Variants in ZMIZ1 observed in about 807,000 individuals in gnomAD.
ZMIZ1 encodes the protein zinc finger MIZ domain-containing protein 1.
ZMIZ1 carries 17 observed loss-of-function variants against 113.9 expected under a neutral mutation model. That is an observed-to-expected ratio of 0.15 (90% CI 0.10 to 0.22). The LOEUF is 0.22. Ranked by LOEUF, ZMIZ1 falls within the 10% of genes least tolerant of loss-of-function variation. The pLI, the probability that ZMIZ1 is intolerant of heterozygous loss-of-function variation, is 1.00. For synonymous variants in ZMIZ1, 607 were observed against 603.1 expected, an observed-to-expected ratio of 1.01 and a Z score of -0.09; for missense variants, 1,059 against 1,477.8, an observed-to-expected ratio of 0.72 and a Z score of 4.65.
chr10:79,255,203 C>A (rs2132907856), intron 7 of ZMIZ1, among the ~76,000 whole-genome samples: 1 of 152,346 alleles, frequency 6.6e-6, no homozygotes, highest in East Asian at 1.9e-4. Context: ...GCTCCTGCCA[C>A]CTGAGTCCCC....
Position 79,281,912 on chromosome 10 carries a change from G to A in ZMIZ1, c.425+4587G>A, listed in dbSNP as rs1349220765. ...TAGCTGGTCCTTCAGGGTCAACGAGGTGGTATCTCGTTGTTAACCCAATTT... is the reference window on the plus strand; with the variant it reads ...TAGCTGGTCCTTCAGGGTCAACGAGATGGTATCTCGTTGTTAACCCAATTT... On this transcript the variant is annotated intron_variant, in intron 8 of 24. Coordinates refer to ENST00000334512, the MANE Select transcript of ZMIZ1 (RefSeq NM_020338.4). Among the ~76,000 whole-genome samples the A allele has an allele frequency of 3.9e-5, 6 of 152,228 alleles. No homozygotes were observed. In the East Asian group the frequency reaches 1.2e-3, roughly 29 times the overall value.
chr10:79,079,340 A>C (rs764247020), intron 1 of ZMIZ1, among the ~76,000 whole-genome samples: 13 of 152,278 alleles, frequency 8.5e-5, no homozygotes, highest in Non-Finnish European at 1.6e-4. Flanking sequence ...ACTTTCCTGG[A>C]GAGGTGGTCT....
chr10:79,274,736 C>G (rs1852162164), intron 7 of ZMIZ1, among the ~76,000 whole-genome samples: 1 of 152,252 alleles, frequency 6.6e-6, no homozygotes, highest in Non-Finnish European at 1.5e-5. Context: ...ATCCACATAT[C>G]ACGCCTGTTT....
In ZMIZ1 at chr10:79,307,487, G is replaced by GC. The variant is rs777843533; in HGVS notation, c.2758dup (p.Gln920ProfsTer34). 6 of 1,605,064 alleles carry GC rather than the reference G, an allele frequency of 3.7e-6. No individual in the cohort carries two copies. The highest frequency in any genetic ancestry group is 1.3e-5 in the African/African-American group (1 of 74,234). The stretch of plus-strand genomic sequence containing the variant: ...CATCCATGAATGACTTCATGCACGG[G>GC]CCCCCCCAGCTCTCCCACCCCCCGG... On this transcript the variant is annotated frameshift_variant, in exon 23 of 25. Transcript: ENST00000334512. LOFTEE classifies it high-confidence loss of function.
chr10:79,281,530 A>G (rs764822996), intron 8 of ZMIZ1, among the ~76,000 whole-genome samples: 1 of 152,230 alleles, frequency 6.6e-6, no homozygotes, highest in African/African-American at 2.4e-5. Context: ...CTCCATCACC[A>G]TGGCCTCAGC....
intron 7 of ZMIZ1, among the ~76,000 whole-genome samples, chr10:79,266,024 G>A (rs1851579359): frequency 6.6e-6 from 1 of 152,236 alleles, no homozygotes; most frequent in South Asian, 2.1e-4. Context: ...CTGCAAGATT[G>A]AGAAGAAGTC....
At chr10:79,197,062 C>T (rs776874381) in intron 4 of ZMIZ1, among the ~76,000 whole-genome samples, 14 of 152,252 alleles carry the variant, frequency 9.2e-5, no homozygotes, top group African/African-American at 1.4e-4. Context: ...CCTGGGCCAC[C>T]GGTGGCCCTT....
intron 18 of ZMIZ1, among the ~76,000 whole-genome samples, 167 bp from the exon 19 acceptor site, chr10:79,303,848 G>A (rs1337508930): frequency 6.6e-6 from 1 of 152,226 alleles, no homozygotes; most frequent in Non-Finnish European, 1.5e-5. Flanking sequence ...ACCCGGCCCT[G>A]TGACTGCCAC....
chr10:79,293,780 G>C, intron 12 of ZMIZ1, 127 bp downstream of exon 12: 1 of 1,426,576 alleles, frequency 7.0e-7, no homozygotes, highest in Non-Finnish European at 9.8e-7. Flanking sequence ...AGAGGCAGGG[G>C]CTTAGGGGTC....
chr10:79,204,302 C>T (rs1426487633), intron 5 of ZMIZ1, among the ~76,000 whole-genome samples: 2 of 152,180 alleles, frequency 1.3e-5, no homozygotes, highest in East Asian at 1.9e-4. Context: ...CCCCTCACAG[C>T]CTCTATCTAA....
chr10:79,191,979 A>G (rs1339463639), intron 4 of ZMIZ1, among the ~76,000 whole-genome samples: 1 of 152,244 alleles, frequency 6.6e-6, no homozygotes, highest in Non-Finnish European at 1.5e-5. Flanking sequence ...TTCCACTCTG[A>G]GGAAACAAAG....
intron 4 of ZMIZ1, among the ~76,000 whole-genome samples, chr10:79,189,725 G>A (rs1444811347): frequency 1.3e-5 from 2 of 152,234 alleles, no homozygotes; most frequent in Admixed American, 1.3e-4. Flanking sequence ...GTAGAGTGCT[G>A]TGCACATTAG....
intron 5 of ZMIZ1, among the ~76,000 whole-genome samples, chr10:79,202,056 CAA>C (rs55985942): frequency 0.016 from 1,135 of 71,918 alleles, 4 homozygotes; most frequent in East Asian, 0.061. Flanking sequence ...CAGTCGTTCT[CAA>C]AAAAAAAAAA....
chr10:79,246,567 C>A (rs1850212467), intron 7 of ZMIZ1, among the ~76,000 whole-genome samples: 1 of 152,166 alleles, frequency 6.6e-6, no homozygotes, highest in Admixed American at 6.5e-5. Context: ...CAGGCCCGAA[C>A]CCAGCAGGGA....
chr10:79,136,317 C>T (rs372241104), intron 2 of ZMIZ1, among the ~76,000 whole-genome samples: 42 of 152,362 alleles, frequency 2.8e-4, no homozygotes, highest in Middle Eastern at 3.4e-3. Context: ...CTAGGACCCC[C>T]CAGCCTGTCC....
At chr10:79,266,339 G>A (rs186132294) in intron 7 of ZMIZ1, among the ~76,000 whole-genome samples, 5 of 152,304 alleles carry the variant, frequency 3.3e-5, no homozygotes, top group East Asian at 3.9e-4. Context: ...AGCAGTGGGC[G>A]GGGCCGTTGT....
chr10:79,155,945 T>C (rs1389137009), intron 3 of ZMIZ1, among the ~76,000 whole-genome samples: 1 of 152,232 alleles, frequency 6.6e-6, no homozygotes, highest in Non-Finnish European at 1.5e-5. Flanking sequence ...TCTGTGCACA[T>C]GCCCCTAGTT....
rs1843127269 is a variant in ZMIZ1, at chr10:79,095,093, G to T, written c.-336-23822G>T. ...GAGCTCTGACTCTCAGACCAGCCTA[G>T]GTTCATATCCTGTGTCTTCCACTTG... On this transcript the variant is annotated intron_variant, in intron 1 of 24. Coordinates refer to ENST00000334512, the MANE Select transcript of ZMIZ1 (RefSeq NM_020338.4). Among the ~76,000 whole-genome samples the T allele has an allele frequency of 3.3e-5, 5 of 152,320 alleles. No homozygotes were observed. In the South Asian group the frequency reaches 1.0e-3, roughly 32 times the overall value.
intron 1 of ZMIZ1, among the ~76,000 whole-genome samples, chr10:79,089,456 G>A (rs1034731359): frequency 1.3e-5 from 2 of 152,216 alleles, no homozygotes; most frequent in African/African-American, 4.8e-5. Flanking sequence ...TTTGGTTTTG[G>A]TCTGGTACAA....
Sources: gnomAD v4.1 joint callset for allele counts (sites outside exome capture counted in the v4.1 genomes callset) on GRCh38, gnomAD v4.1.1 for gene constraint, MANE v1.5 for transcripts, NCBI Gene and HGNC (gene_info 2026-07-23, HGNC 2026-07-21) for gene names.